GRM1: variants seen among roughly 807,000 people sequenced by gnomAD.
GRM1 encodes metabotropic glutamate receptor 1.
Under a neutral mutation model 90.9 loss-of-function variants are expected in GRM1, and 33 were observed. The observed-to-expected ratio is 0.36, with a 90% CI of 0.28 to 0.49. The LOEUF (loss-of-function observed/expected upper bound fraction) is 0.49, where lower values mean the gene tolerates loss of function less well. Among genes scored for constraint, GRM1 ranks in the 20% least tolerant of loss-of-function variants. The probability of loss-of-function intolerance (pLI) is 0.99; values close to 1 mark genes in which losing one functional copy is unlikely to be tolerated. For synonymous variants in GRM1, 700 were observed against 613.2 expected (o/e 1.14, Z -2.09); for missense variants, 1,190 against 1,534.3 (o/e 0.78, Z 3.75).
chr6:146,084,359 C>CTGA (rs1776470239), intron 1 of GRM1, among the ~76,000 whole-genome samples: 1 of 152,016 alleles, frequency 6.6e-6, no homozygotes, highest in African/African-American at 2.4e-5. Context: ...TTCTAGCTTT[C>CTGA]TGATGCGGGC....
intron 1 of GRM1, among the ~76,000 whole-genome samples, chr6:146,084,222 G>C (rs562597068): frequency 3.3e-5 from 5 of 151,408 alleles, no homozygotes; most frequent in Middle Eastern, 3.4e-3. Context: ...AGGGTTTTTC[G>C]TGTCTCTATA....
intron 2 of GRM1, among the ~76,000 whole-genome samples, chr6:146,193,446 C>A (rs1355232616): frequency 6.6e-6 from 1 of 152,078 alleles, no homozygotes; most frequent in Admixed American, 6.5e-5. Flanking sequence ...GAGATTAACA[C>A]CTAGGAGAGT....
chr6:146,164,660 G>C (rs911342990), intron 2 of GRM1, among the ~76,000 whole-genome samples: 2 of 152,084 alleles, frequency 1.3e-5, no homozygotes, highest in African/African-American at 4.8e-5. Flanking sequence ...TGCCTGGTGA[G>C]TCATCACTGG....
chr6:146,295,170 TATTTA>T (rs1783132298), intron 2 of GRM1, among the ~76,000 whole-genome samples: 2 of 152,024 alleles, frequency 1.3e-5, no homozygotes, highest in Non-Finnish European at 2.9e-5. Flanking sequence ...TTTTAATCAG[TATTTA>T]ATTTTGTTTT....
intron 1 of GRM1, among the ~76,000 whole-genome samples, chr6:146,056,791 G>A (rs2128851710): frequency 6.6e-6 from 1 of 152,206 alleles, no homozygotes; most frequent in East Asian, 1.9e-4. Flanking sequence ...CCTACTATTG[G>A]CTTCTCTGAG....
chr6:146,391,500 A>T (rs1776721157), intron 6 of GRM1, among the ~76,000 whole-genome samples: 1 of 152,052 alleles, frequency 6.6e-6, no homozygotes, highest in Non-Finnish European at 1.5e-5. Flanking sequence ...GGTTGAAGGT[A>T]GTCTCCCCTC....
At chr6:146,164,400 G>C (rs1777838170) in intron 2 of GRM1, among the ~76,000 whole-genome samples, 1 of 152,128 alleles carries the variant, frequency 6.6e-6, no homozygotes, top group South Asian at 2.1e-4. Context: ...TTTCCTTCAT[G>C]CCTAGCACAG....
At chr6:146,422,100 T>C (rs562059100) in intron 7 of GRM1, among the ~76,000 whole-genome samples, 1 of 152,250 alleles carries the variant, frequency 6.6e-6, no homozygotes, top group South Asian at 2.1e-4. Flanking sequence ...TTCTATATTT[T>C]TAAGACTGAC....
intron 2 of GRM1, chr6:146,171,590 GA>G: frequency 4.0e-6 from 1 of 248,666 alleles, no homozygotes; most frequent in Non-Finnish European, 8.8e-6. Flanking sequence ...CCAAAAGGTT[GA>G]AAATTGGCTG....
intron 7 of GRM1, among the ~76,000 whole-genome samples, chr6:146,421,777 A>G (rs1778003076): frequency 6.6e-6 from 1 of 152,166 alleles, no homozygotes; most frequent in Non-Finnish European, 1.5e-5. Flanking sequence ...GTGCATATAT[A>G]TAAAGAGTTT....
At chr6:146,198,245 G>A (rs562187533) in intron 2 of GRM1, among the ~76,000 whole-genome samples, 1 of 152,330 alleles carries the variant, frequency 6.6e-6, no homozygotes, top group East Asian at 1.9e-4. Context: ...GCTGAGATGA[G>A]GCATCTGGCG....
chr6:146,204,372 C>T (rs1426652984), intron 2 of GRM1, among the ~76,000 whole-genome samples: 1 of 152,164 alleles, frequency 6.6e-6, no homozygotes, highest in Non-Finnish European at 1.5e-5. Context: ...TACACATAAG[C>T]ACAGAAAAAT....
intron 2 of GRM1, among the ~76,000 whole-genome samples, chr6:146,174,676 A>C (rs1778268026): frequency 6.6e-6 from 1 of 152,248 alleles, no homozygotes; most frequent in Admixed American, 6.5e-5. Flanking sequence ...TTGGGTTATT[A>C]GATTAGGAAT....
chr6:146,238,669 C>G (rs1780740082), intron 2 of GRM1, among the ~76,000 whole-genome samples: 1 of 152,058 alleles, frequency 6.6e-6, no homozygotes, highest in South Asian at 2.1e-4. Flanking sequence ...GGAGGTGTAA[C>G]TTTTTCTTTT....
At chr6:146,227,177 A>G (rs9497495) in intron 2 of GRM1, among the ~76,000 whole-genome samples, 16,838 of 152,050 alleles carry the variant, frequency 0.11, 1,832 homozygotes, top group African/African-American at 0.28. Context: ...AGAAATATCT[A>G]AAACATACAG....
At chr6:146,112,786 C>G (rs1190682101) in intron 1 of GRM1, among the ~76,000 whole-genome samples, 1 of 152,146 alleles carries the variant, frequency 6.6e-6, no homozygotes, top group Admixed American at 6.6e-5. Flanking sequence ...GCCAATTCAG[C>G]TCCCCTTTGA....
intron 7 of GRM1, among the ~76,000 whole-genome samples, chr6:146,422,126 A>G (rs1778017910): frequency 1.3e-5 from 2 of 152,180 alleles, no homozygotes. Context: ...GGAATTGTAT[A>G]GAACATTTTA....
chr6:146,344,795 C>T (rs1187032897), intron 3 of GRM1, among the ~76,000 whole-genome samples: 4 of 150,732 alleles, frequency 2.7e-5, no homozygotes, highest in East Asian at 3.9e-4. Context: ...ATATCTTTTT[C>T]GTTTTTCTTT....
chr6:146,434,708 T>A lies in GRM1; in HGVS notation c.3497T>A (p.Val1166Glu). Residue 1166 changes from valine to glutamate, a missense_variant, in exon 8 of 8, where the codon GTG becomes GAG. Physicochemically the swap from Val to Glu is moderately radical, Grantham distance 121. This residue lies in a region of GRM1 where 48 missense variants were observed against 48.5 expected (regional missense o/e 0.99). Coordinates refer to ENST00000282753, the MANE Select transcript of GRM1 (RefSeq NM_001278064.2). ...ASGSSVPSSP[V>E]SESVLCTPPN... Reference sequence around the variant, plus strand: ...GGCAGCTCGGTGCCCAGCTCCCCCGTGTCCGAGTCGGTGCTCTGCACCCCT... The same window carrying A: ...GGCAGCTCGGTGCCCAGCTCCCCCGAGTCCGAGTCGGTGCTCTGCACCCCT... 6.2e-7 allele frequency: 1 copy of A among 1,602,788 alleles called. No individual in the cohort carries two copies. The highest frequency in any genetic ancestry group is 8.5e-7 in the Non-Finnish European group (1 of 1,179,942).
Sources: allele counts gnomAD v4.1 joint callset (sites outside exome capture counted in the v4.1 genomes callset), GRCh38; gene constraint gnomAD v4.1.1; regional missense constraint gnomAD v4.1.1; transcripts MANE v1.5; gene names NCBI Gene and HGNC (gene_info 2026-07-23, HGNC 2026-07-21).